The following SNTG1 variants were observed in gnomAD, a reference collection of about 807,000 sequenced individuals.
The protein encoded by SNTG1 is syntrophin gamma 1.
Under a neutral mutation model 74.7 loss-of-function variants are expected in SNTG1, and 39 were observed. The observed-to-expected ratio is 0.52, with a 90% confidence interval of 0.40 to 0.68. The LOEUF (loss-of-function observed/expected upper bound fraction) is 0.68, where lower values mean the gene tolerates loss of function less well. SNTG1 is among the 30% of genes least tolerant of loss of function. The pLI is 0.00. For missense variants in SNTG1, 685 were observed against 609.5 expected (o/e 1.12, Z -1.30); for synonymous variants, 254 against 217.1 (o/e 1.17, Z -1.49).
chr8:50,550,941 T>G (rs1348313482), intron 11 of SNTG1, among the ~76,000 whole-genome samples: 1 of 152,170 alleles, frequency 6.6e-6, no homozygotes, highest in Non-Finnish European at 1.5e-5. Flanking sequence ...GTGGGGACAT[T>G]TTCTTTTAAC....
intron 2 of SNTG1, among the ~76,000 whole-genome samples, chr8:50,332,186 A>G (rs1007220852): frequency 3.3e-5 from 5 of 152,182 alleles, no homozygotes; most frequent in Non-Finnish European, 7.3e-5. Context: ...TATTCAAATG[A>G]GCTACCATGT....
chr8:50,344,437 G>GT (rs2091413613), intron 2 of SNTG1, among the ~76,000 whole-genome samples: 1 of 152,096 alleles, frequency 6.6e-6, no homozygotes, highest in South Asian at 2.1e-4. Context: ...CTGCCTCACT[G>GT]TTTTTCAGGG....
At chr8:50,245,457 C>T (rs776118310) in intron 2 of SNTG1, among the ~76,000 whole-genome samples, 5 of 151,960 alleles carry the variant, frequency 3.3e-5, no homozygotes, top group African/African-American at 4.8e-5. Flanking sequence ...CTGAGGCGTG[C>T]GGATCACCTG....
At position 50,743,752 on chromosome 8, in the gene SNTG1, T is replaced by G. The variant is rs557292409; in HGVS notation, c.1285-8249T>G. On this transcript the variant is annotated intron_variant, in intron 17 of 18. Coordinates refer to ENST00000642720, the MANE Select transcript of SNTG1 (RefSeq NM_018967.5). ...AACTACACACACAAACACACACACA[T>G]CAGATGTATTAGGCCATTCTTGGAT... Among the ~76,000 whole-genome samples, 10 of 151,680 alleles carry G rather than the reference T, an allele frequency of 6.6e-5. No homozygotes were observed. In the South Asian group the frequency reaches 1.5e-3, roughly 22 times the overall value.
intron 2 of SNTG1, among the ~76,000 whole-genome samples, chr8:50,246,217 T>C (rs1206943016): frequency 2.6e-5 from 4 of 151,756 alleles, no homozygotes; most frequent in Admixed American, 1.3e-4. Flanking sequence ...CTGCTTATTC[T>C]TTGGTAAGTT....
intron 1 of SNTG1, among the ~76,000 whole-genome samples, chr8:50,086,780 C>G (rs1822926695): frequency 6.6e-6 from 1 of 152,120 alleles, no homozygotes; most frequent in East Asian, 1.9e-4. Context: ...GGAAACAAAC[C>G]AAAAACTCAC....
intron 2 of SNTG1, among the ~76,000 whole-genome samples, chr8:50,224,256 T>C (rs1279204987): frequency 6.6e-6 from 1 of 152,166 alleles, no homozygotes; most frequent in African/African-American, 2.4e-5. Flanking sequence ...GTTTTAAATA[T>C]TTAAAACAAG....
At chr8:50,727,232 T>C (rs1186980976) in intron 17 of SNTG1, among the ~76,000 whole-genome samples, 3 of 152,130 alleles carry the variant, frequency 2.0e-5, no homozygotes, top group Non-Finnish European at 4.4e-5. Context: ...TATTTTCAAA[T>C]GTAATGCTTA....
intron 1 of SNTG1, among the ~76,000 whole-genome samples, chr8:50,050,727 A>G (rs1233828932): frequency 1.3e-5 from 2 of 152,082 alleles, no homozygotes; most frequent in East Asian, 3.8e-4. Flanking sequence ...AGGCAAATAT[A>G]TCACATGAAA....
chr8:50,617,407 CACACACAT>C (rs1413074089), intron 13 of SNTG1, among the ~76,000 whole-genome samples: 1 of 151,716 alleles, frequency 6.6e-6, no homozygotes, highest in African/African-American at 2.4e-5. Flanking sequence ...CACACACACA[CACACACAT>C]AAATAACGAA....
intron 11 of SNTG1, among the ~76,000 whole-genome samples, chr8:50,538,388 C>A (rs2094322511): frequency 6.6e-6 from 1 of 152,088 alleles, no homozygotes; most frequent in African/African-American, 2.4e-5. Flanking sequence ...TTACCGCTTC[C>A]TTTCTGCTTA....
chr8:50,575,668 G>A (rs1270574075), intron 12 of SNTG1: 2 of 152,196 alleles, frequency 1.3e-5, no homozygotes, highest in East Asian at 1.9e-4. Flanking sequence ...TCCTCTGTAG[G>A]GCTAGTGTGC....
intron 12 of SNTG1, among the ~76,000 whole-genome samples, chr8:50,567,883 T>A (rs192028465): frequency 1.3e-5 from 2 of 152,134 alleles, no homozygotes; most frequent in African/African-American, 2.4e-5. Flanking sequence ...TTTAGCTACA[T>A]TGAGATACAC....
At position 50,658,683 on chromosome 8, in the gene SNTG1, A is replaced by C. The variant is rs1394226439; in HGVS notation, c.1038+20A>C. The C allele has an allele frequency of 3.2e-6, 5 of 1,573,328 alleles. No homozygotes were observed. The highest frequency in any genetic ancestry group is 4.3e-6 in the Non-Finnish European group (5 of 1,150,954). Reference sequence around the variant, plus strand: ...CTCAAGGTATGATCAATATGTAGTCAGTATTTGAATGGCTTTTCCTCAGCA... The same window carrying C: ...CTCAAGGTATGATCAATATGTAGTCCGTATTTGAATGGCTTTTCCTCAGCA... On this transcript the variant is annotated intron_variant, in intron 15 of 18. Transcript: ENST00000642720.
intron 15 of SNTG1, among the ~76,000 whole-genome samples, chr8:50,680,837 G>A (rs1585508983): frequency 6.6e-6 from 1 of 152,234 alleles, no homozygotes; most frequent in East Asian, 1.9e-4. Context: ...AAGACTTGCA[G>A]ACAGTAAATG....
intron 2 of SNTG1, among the ~76,000 whole-genome samples, chr8:50,306,870 G>T (rs1201434589): frequency 6.6e-6 from 1 of 151,736 alleles, no homozygotes; most frequent in African/African-American, 2.4e-5. Context: ...CTTTTGCCAT[G>T]CGGAAGCTTT....
Position 50,553,096 on chromosome 8 carries a change from A to T in SNTG1, c.727A>T (p.Ile243Phe). 1.9e-6 allele frequency: 3 copies of T among 1,613,874 alleles called. No homozygotes were observed. The highest frequency in any genetic ancestry group is 2.5e-6 in the Non-Finnish European group (3 of 1,179,814). ...TGCTGTGGATGGGGTCTGCACTGGG[A>T]TTATTCAGTGCCTCTCTGCTGAAGA... Reference protein sequence around the residue: ...VIAVDGVCTGIIQCLSAEDCV... With the variant: ...VIAVDGVCTGFIQCLSAEDCV... Residue 243 changes from isoleucine to phenylalanine, a missense_variant, in exon 12 of 19, where the codon ATT becomes TTT. Transcript: ENST00000642720.
chr8:50,656,961 G>C lies in SNTG1; in HGVS notation c.902G>C (p.Arg301Thr), dbSNP rs1479918393. 6.2e-7 allele frequency: 1 copy of C among 1,600,682 alleles called. No homozygotes were observed. The highest frequency in any genetic ancestry group is 8.5e-7 in the Non-Finnish European group (1 of 1,173,562). ...EAREQDPLQD[R>T]VYSPTFLALR... ...CGGGAGCAAGACCCCCTCCAGGACA[G>C]AGTGTACTCCCCGACCTTCCTGGCC... The change falls in exon 14 of 19, where the codon AGA becomes ACA. Residue 301 changes from arginine (R) to threonine (T), a missense_variant. Coordinates refer to ENST00000642720, the MANE Select transcript of SNTG1 (RefSeq NM_018967.5).
At chr8:49,974,923 T>C (rs923924664) in intron 1 of SNTG1, among the ~76,000 whole-genome samples, 2 of 152,118 alleles carry the variant, frequency 1.3e-5, no homozygotes, top group Admixed American at 1.3e-4. Flanking sequence ...ATGGCAGAAC[T>C]TCTCTGTGAC....
Sources: allele counts gnomAD v4.1 joint callset (sites outside exome capture counted in the v4.1 genomes callset), GRCh38; gene constraint gnomAD v4.1.1; transcripts MANE v1.5; gene names NCBI Gene and HGNC (gene_info 2026-07-23, HGNC 2026-07-21).